The following RELN variants were observed in gnomAD, a reference collection of about 807,000 sequenced individuals.
RELN encodes reelin.
RELN carries 108 observed loss-of-function variants against 427.6 expected under a neutral mutation model. The ratio of observed to expected loss-of-function variants is 0.25; its 90% CI spans 0.22 to 0.30. The LOEUF (loss-of-function observed/expected upper bound fraction) is 0.30. RELN is among the 10% of genes least tolerant of loss of function. The probability of loss-of-function intolerance (pLI) is 1.00; values close to 1 mark genes in which losing one functional copy is unlikely to be tolerated. For synonymous variants in RELN, 1,524 were observed against 1,513.4 expected (o/e 1.01, Z -0.16); for missense variants, 3,715 against 4,302.8 (o/e 0.86, Z 3.82).
At chr7:103,545,701 G>C (rs1830280716) in intron 41 of RELN, among the ~76,000 whole-genome samples, 1 of 151,960 alleles carries the variant, frequency 6.6e-6, no homozygotes, top group South Asian at 2.1e-4. Context: ...GAGTGCAGTG[G>C]CACAATCTTG....
At chr7:103,932,963 A>T (rs1290810400) in intron 1 of RELN, among the ~76,000 whole-genome samples, 1 of 152,172 alleles carries the variant, frequency 6.6e-6, no homozygotes, top group Non-Finnish European at 1.5e-5. Flanking sequence ...GCACAATGAA[A>T]TGGCAAGATT....
At chr7:103,913,506 A>G (rs1795414880) in intron 2 of RELN, among the ~76,000 whole-genome samples, 1 of 152,162 alleles carries the variant, frequency 6.6e-6, no homozygotes, top group Admixed American at 6.6e-5. Flanking sequence ...TCTAGGTCAA[A>G]AAGTGCCACA....
chr7:103,935,456 CCTT>C (rs933189544), intron 1 of RELN, among the ~76,000 whole-genome samples: 2 of 151,824 alleles, frequency 1.3e-5, no homozygotes, highest in African/African-American at 2.4e-5. Flanking sequence ...ACTGGAAATT[CCTT>C]CTTGTCTTTT....
Position 103,603,479 on chromosome 7 carries a change from C to A in RELN, c.3158G>T (p.Gly1053Val). ...CDHGICRCDQ[G>V]YQGTECHPEA... Reference sequence around the variant, plus strand: ...TGGGTGGCATTCAGTGCCTTGGTACCCCTGGTCACACCTATGAGAGAGCAG... The same window carrying A: ...TGGGTGGCATTCAGTGCCTTGGTACACCTGGTCACACCTATGAGAGAGCAG... The change falls in exon 24 of 65, where the codon GGG (glycine) becomes GTG (valine). Residue 1053 changes from glycine to valine, a missense_variant. Gly to Val is a moderately radical substitution (Grantham distance 109). Around this residue, in one of 4 missense-constraint regions of RELN, gnomAD observed 2,208 missense variants for 2,361.7 expected, o/e 0.93. Coordinates refer to ENST00000428762, the MANE Select transcript of RELN (RefSeq NM_005045.4). This position sits in a 1 kb window ranked among gnomAD's most constrained non-coding sequence, Gnocchi z 4.3. 3 of 1,613,708 alleles carry A rather than the reference C, an allele frequency of 1.9e-6. No individual in the cohort carries two copies.
intron 3 of RELN, among the ~76,000 whole-genome samples, chr7:103,803,481 T>C (rs1792519411): frequency 1.3e-5 from 2 of 152,112 alleles, no homozygotes; most frequent in African/African-American, 4.8e-5. Flanking sequence ...GACACCTGGC[T>C]GGAGTGATGA....
intron 1 of RELN, among the ~76,000 whole-genome samples, chr7:103,947,400 C>T (rs1408517618): frequency 6.6e-6 from 1 of 152,086 alleles, no homozygotes; most frequent in Non-Finnish European, 1.5e-5. Flanking sequence ...TAGGGTGGAT[C>T]CTAATTCAAT....
chr7:103,521,057 A>G (rs1254221018), intron 48 of RELN, among the ~76,000 whole-genome samples: 1 of 140,314 alleles, frequency 7.1e-6, no homozygotes, highest in African/African-American at 2.7e-5. Flanking sequence ...GCTCACTGCA[A>G]GCTCCGCTTC....
chr7:103,495,803 T>C lies in RELN; in HGVS notation c.9289A>G (p.Asn3097Asp), dbSNP rs2117018592. The change falls in exon 57 of 65, where the codon AAT (asparagine) becomes GAT (aspartate). Residue 3097 changes from asparagine (N) to aspartate (D), a missense_variant. By Grantham distance (23) the Asn-to-Asp change is conservative (BLOSUM62 1). This residue lies in a region of RELN where 1,310 missense variants were observed against 1,643.0 expected (regional missense o/e 0.80). Coordinates refer to ENST00000428762, the MANE Select transcript of RELN (RefSeq NM_005045.4). ...TTGTGAGTCTTGTCCTTCTTTTTAT[T>C]TGGCCAATAGAGGTGAAAGGATGGA... Reference protein sequence around the residue: ...GNPSFHLYWPNKKKDKTHNAL... With the variant: ...GNPSFHLYWPDKKKDKTHNAL... 6.2e-7 allele frequency: 1 copy of C among 1,614,100 alleles called. No individual in the cohort carries two copies. Among genetic ancestry groups the C allele is most frequent in the Non-Finnish European group, 8.5e-7 (1 of 1,179,986 alleles).
intron 29 of RELN, 146 bp downstream of exon 29, chr7:103,575,402 T>A: frequency 1.1e-6 from 1 of 872,530 alleles, no homozygotes; most frequent in Non-Finnish European, 1.9e-6. Context: ...TAGCACCTCA[T>A]GTGCCTGGGT....
intron 6 of RELN, among the ~76,000 whole-genome samples, chr7:103,741,180 T>A (rs1790644786): frequency 6.6e-6 from 1 of 152,138 alleles, no homozygotes; most frequent in Non-Finnish European, 1.5e-5. Flanking sequence ...TGCTTATCAG[T>A]TTCCAAAACA....
intron 11 of RELN, among the ~76,000 whole-genome samples, chr7:103,665,132 G>T (rs985081075): frequency 6.6e-6 from 1 of 152,058 alleles, no homozygotes; most frequent in African/African-American, 2.4e-5. Context: ...ATGAGTTTGA[G>T]ATCCAATATG....
At chr7:103,956,442 C>G (rs970808129) in intron 1 of RELN, among the ~76,000 whole-genome samples, 4 of 152,086 alleles carry the variant, frequency 2.6e-5, no homozygotes, top group South Asian at 2.1e-4. Context: ...GAAACAGACA[C>G]GAAATGAGAG....
At chr7:103,667,525 C>T (rs1303564660) in intron 11 of RELN, among the ~76,000 whole-genome samples, 2 of 152,082 alleles carry the variant, frequency 1.3e-5, no homozygotes, top group Non-Finnish European at 2.9e-5. Flanking sequence ...AGATATGTTT[C>T]TTTTCAGGAA....
Position 103,535,189 on chromosome 7 carries a change from A to C in RELN, c.7349+127T>G. 8.3e-6 allele frequency: 7 copies of C among 846,154 alleles called. No individual in the cohort carries two copies. The South Asian group carries it at 1.0e-4, about 12-fold the overall frequency. 52.4% of individuals were successfully genotyped at this position (846,154 alleles called of 1,614,324 possible). A position where few individuals can be genotyped will look rare whatever the true frequency, so the allele number is the denominator to read the frequency against. On this transcript the variant is annotated intron_variant, in intron 46 of 64. Coordinates refer to ENST00000428762, the MANE Select transcript of RELN (RefSeq NM_005045.4). ...CATTAAGACAGCCTTAATAATTCAT[A>C]CATGGCAATACCATTAGCAATTAAC...
chr7:103,520,099 A>G (rs552691686), intron 48 of RELN, among the ~76,000 whole-genome samples: 48 of 151,956 alleles, frequency 3.2e-4, no homozygotes, highest in Middle Eastern at 6.8e-3. Context: ...AAGGTTGAGT[A>G]TCGCAGCCCA....
chr7:103,951,835 G>A (rs1796338959), intron 1 of RELN, among the ~76,000 whole-genome samples: 1 of 152,158 alleles, frequency 6.6e-6, no homozygotes, highest in Non-Finnish European at 1.5e-5. Context: ...ACAATGCCTG[G>A]CTAATTTTTG....
intron 4 of RELN, among the ~76,000 whole-genome samples, chr7:103,753,500 G>A (rs1276160270): frequency 6.6e-6 from 1 of 152,064 alleles, no homozygotes; most frequent in Non-Finnish European, 1.5e-5. Context: ...GAAACAAAAG[G>A]AATACTTGCC....
chr7:103,869,694 T>C (rs1200160080), intron 2 of RELN, among the ~76,000 whole-genome samples: 1 of 152,148 alleles, frequency 6.6e-6, no homozygotes, highest in Non-Finnish European at 1.5e-5. Context: ...TAGCTTTGAT[T>C]TCTCATTGGC....
At chr7:103,764,297 G>A (rs575854311) in intron 4 of RELN, among the ~76,000 whole-genome samples, 104 of 152,190 alleles carry the variant, frequency 6.8e-4, no homozygotes, top group African/African-American at 2.5e-3. Flanking sequence ...TCTTGGGAAT[G>A]GTATGCAGTG....
Sources: allele counts gnomAD v4.1 joint callset (sites outside exome capture counted in the v4.1 genomes callset), GRCh38; gene constraint gnomAD v4.1.1; regional missense constraint gnomAD v4.1.1; non-coding constraint Gnocchi (gnomAD v3.1); transcripts MANE v1.5; gene names NCBI Gene and HGNC (gene_info 2026-07-23, HGNC 2026-07-21).